The following RASA3 variants were observed in gnomAD, a reference collection of about 807,000 sequenced individuals.
The protein encoded by RASA3 is ras GTPase-activating protein 3.
A neutral mutation model predicts 110.0 loss-of-function variants in RASA3; 73 were observed. The ratio of observed to expected loss-of-function variants is 0.66; its 90% confidence interval spans 0.55 to 0.81. The LOEUF is 0.81. Among genes scored for constraint, RASA3 ranks in the 30% least tolerant of loss-of-function variants. RASA3 has a pLI of 0.00. For synonymous variants in RASA3, 500 were observed against 451.4 expected (o/e 1.11, Z -1.37); for missense variants, 976 against 1,113.2 (o/e 0.88, Z 1.75).
chr13:114,057,256 A>C lies in RASA3; in HGVS notation c.174-5101T>G, dbSNP rs756690659. The C allele has an allele frequency of 3.0e-6, 3 of 985,440 alleles. No individual in the cohort carries two copies. Among genetic ancestry groups the C allele is most frequent in the Non-Finnish European group, 3.6e-6 (3 of 829,926 alleles). The allele number at this position is 985,440 out of a possible 1,614,324, so 61.0% of individuals were successfully genotyped here. A position where few individuals can be genotyped will look rare whatever the true frequency, so the allele number is the denominator to read the frequency against. ...ACTTTGTTTCCTGCGGGTCACCTCA[A>C]GTCTTTCAGGAAACCAGGCAGGACA... On this transcript the variant is annotated intron_variant, in intron 2 of 23. Coordinates refer to ENST00000334062, the MANE Select transcript of RASA3 (RefSeq NM_007368.4). This position sits in a 1 kb window ranked among gnomAD's most constrained non-coding sequence, Gnocchi z 5.0.
At chr13:114,023,659 G>A (rs908950798) in intron 8 of RASA3, among the ~76,000 whole-genome samples, 2 of 152,236 alleles carry the variant, frequency 1.3e-5, no homozygotes, top group Admixed American at 6.5e-5. Context: ...CTGGGCCTGA[G>A]ATCGCGTCCT....
In RASA3 at chr13:114,000,499, G is replaced by A. The variant is rs372458590; in HGVS notation, c.1849+327C>T. On this transcript the variant is annotated intron_variant, in intron 19 of 23. Coordinates refer to ENST00000334062, the MANE Select transcript of RASA3 (RefSeq NM_007368.4). ...GGTGGTGGGAAGCCCCGTCTACCTC[G>A]GCGGAGCGGCACCCTGGCCATGACG... Among the ~76,000 whole-genome samples, 19 of 152,272 alleles carry A rather than the reference G, an allele frequency of 1.2e-4. 1 individual carries two copies. Among genetic ancestry groups the A allele is most frequent in the African/African-American group, 2.9e-4 (12 of 41,568 alleles).
At chr13:114,100,229 G>A (rs1476261981) in intron 1 of RASA3, among the ~76,000 whole-genome samples, 3 of 151,806 alleles carry the variant, frequency 2.0e-5, no homozygotes, top group Admixed American at 6.6e-5. Flanking sequence ...GGTGCTGAGG[G>A]CGCGCCGATG....
intron 1 of RASA3, among the ~76,000 whole-genome samples, chr13:114,125,187 G>A (rs1372726519): frequency 1.3e-5 from 2 of 152,330 alleles, no homozygotes; most frequent in East Asian, 3.9e-4. Context: ...AAGCCACAGA[G>A]CAGCCCACAT....
intron 1 of RASA3, among the ~76,000 whole-genome samples, chr13:114,095,319 A>G (rs2079928783): frequency 6.6e-6 from 1 of 152,134 alleles, no homozygotes; most frequent in Admixed American, 6.6e-5. Context: ...ATATTCACAG[A>G]GCTATAAAAC....
intron 1 of RASA3, among the ~76,000 whole-genome samples, chr13:114,120,751 T>C (rs886940564): frequency 6.6e-6 from 1 of 152,278 alleles, no homozygotes; most frequent in Non-Finnish European, 1.5e-5. Flanking sequence ...CAGAACCTAC[T>C]GATCTAGAAG....
chr13:114,005,802 A>C (rs1393836406), intron 18 of RASA3, among the ~76,000 whole-genome samples: 4 of 70,632 alleles, frequency 5.7e-5, no homozygotes, highest in East Asian at 4.3e-4. Context: ...GCCGGACACC[A>C]CCTTACCCTT....
chr13:114,016,254 T>C lies in RASA3; in HGVS notation c.1224A>G (p.Lys408=). 1 of 1,597,060 alleles carries C rather than the reference T, an allele frequency of 6.3e-7. No individual in the cohort carries two copies. Among genetic ancestry groups the C allele is most frequent in the Non-Finnish European group, 8.6e-7 (1 of 1,164,704 alleles). ...ACTTCACAGGGTCGATTTCACAGGGTTTGTGGCTCTGGCATATCTGGGGAG... is the reference window on the plus strand; with the variant it reads ...ACTTCACAGGGTCGATTTCACAGGGCTTGTGGCTCTGGCATATCTGGGGAG... ...PAIEEICQSH[K]PCEIDPVKLK... is the part of the protein sequence containing the mutation. The change falls in exon 13 of 24, where the codon AAA becomes AAG. Residue 408 remains lysine, a synonymous_variant. Transcript: ENST00000334062.
chr13:114,051,305 C>A (rs1332025993), intron 3 of RASA3, among the ~76,000 whole-genome samples: 3 of 152,230 alleles, frequency 2.0e-5, no homozygotes, highest in African/African-American at 7.2e-5. Flanking sequence ...AGCTCAGGCG[C>A]CACAGGACCC....
Position 114,112,878 on chromosome 13 carries a change from G to A in RASA3, c.55+19557C>T, listed in dbSNP as rs1178921392. Among the ~76,000 whole-genome samples, 1 of 152,176 alleles carries A rather than the reference G, an allele frequency of 6.6e-6. No individual in the cohort carries two copies. Among genetic ancestry groups the A allele is most frequent in the Admixed American group, 6.5e-5 (1 of 15,282 alleles). On this transcript the variant is annotated intron_variant, in intron 1 of 23. Transcript: ENST00000334062. This position sits in a 1 kb window ranked among gnomAD's most constrained non-coding sequence, Gnocchi z 4.8. ...AAAAAAGCAACACTCGCCGTTCAGAGAGTGAATGAGAGGCCAGCAGGGGGC... is the reference window on the plus strand; with the variant it reads ...AAAAAAGCAACACTCGCCGTTCAGAAAGTGAATGAGAGGCCAGCAGGGGGC...
intron 4 of RASA3, among the ~76,000 whole-genome samples, chr13:114,030,372 AGAGGGC>A (rs2054127105): frequency 6.6e-6 from 1 of 150,620 alleles, no homozygotes. Flanking sequence ...AGGCTCACAC[AGAGGGC>A]AAGACTCACA....
At chr13:113,981,957 C>T in intron 22 of RASA3, 99 bp from the exon 23 acceptor site, 1 of 1,068,856 alleles carries the variant, frequency 9.4e-7, no homozygotes, top group Non-Finnish European at 1.3e-6. Context: ...CAGTACACAT[C>T]CTTCCAACGC....
rs1219175832 is a variant in RASA3, at chr13:114,012,684, G to A, written c.1512+458C>T. On this transcript the variant is annotated intron_variant, in intron 15 of 23. Transcript: ENST00000334062. ...TCCACACTCCCCACACACTGTCCAC[G>A]CACTCCACACACTCCTCATTCCACA... Among the ~76,000 whole-genome samples the A allele has an allele frequency of 1.5e-4, 6 of 40,042 alleles. No homozygotes were observed. The East Asian group carries it at 1.9e-3, about 13-fold the overall frequency. The allele number at this position is 40,042 out of a possible 152,430, so 26.3% of individuals were successfully genotyped here.
At chr13:114,120,669 G>A (rs1399943235) in intron 1 of RASA3, among the ~76,000 whole-genome samples, 1 of 152,242 alleles carries the variant, frequency 6.6e-6, no homozygotes. Flanking sequence ...AGCCCTGGTG[G>A]AGAACAATCC....
chr13:114,009,568 T>A, intron 16 of RASA3, 104 bp from the exon 17 acceptor site: 1 of 788,836 alleles, frequency 1.3e-6, no homozygotes, highest in Non-Finnish European at 2.1e-6. Flanking sequence ...TAAATGACGA[T>A]AAACAGGCAA....
Position 114,000,046 on chromosome 13 carries a change from G to A in RASA3, c.1850-379C>T, listed in dbSNP as rs186530130. 5.3e-3 allele frequency among the ~76,000 whole-genome samples: 252 copies of A among 47,654 alleles called. 7 individuals carry two copies. In the East Asian group the frequency reaches 0.071, roughly 14 times the overall value. The allele number at this position is 47,654 out of a possible 152,430, so 31.3% of individuals were successfully genotyped here. ...GTCTCTGCTAGAGGGTCTCTGCTGG[G>A]GGGTTCTCTGCTGGGGGGGGGTCTC... On this transcript the variant is annotated intron_variant, in intron 19 of 23. Transcript: ENST00000334062.
intron 22 of RASA3, among the ~76,000 whole-genome samples, chr13:113,988,905 A>G (rs1300947523): frequency 3.5e-5 from 5 of 141,862 alleles, no homozygotes; most frequent in Non-Finnish European, 6.1e-5. Flanking sequence ...CTGTCCATCC[A>G]CCCATCACTC....
chr13:114,081,502 G>A (rs2079787555), intron 1 of RASA3, among the ~76,000 whole-genome samples: 1 of 151,680 alleles, frequency 6.6e-6, no homozygotes, highest in African/African-American at 2.4e-5. Flanking sequence ...AGCCGCTGGG[G>A]AAAATACTTC....
At chr13:114,108,285 C>T (rs2080165569) in intron 1 of RASA3, among the ~76,000 whole-genome samples, 1 of 33,900 alleles carries the variant, frequency 2.9e-5, no homozygotes, top group African/African-American at 9.1e-5. Context: ...CTGTCATCCC[C>T]GTCCGTCACC....
Sources: gnomAD v4.1 joint callset for allele counts (sites outside exome capture counted in the v4.1 genomes callset) on GRCh38, gnomAD v4.1.1 for gene constraint, Gnocchi (gnomAD v3.1) non-coding constraint, MANE v1.5 for transcripts, NCBI Gene and HGNC (gene_info 2026-07-23, HGNC 2026-07-21) for gene names.